Variants in TASP1 observed in about 807,000 individuals in gnomAD.
TASP1 encodes threonine aspartase 1.
Under a neutral mutation model 56.6 loss-of-function variants are expected in TASP1, and 16 were observed. The observed-to-expected ratio is 0.28, with a 90% CI of 0.19 to 0.43. TASP1 has a LOEUF of 0.43. TASP1 is among the 20% of genes least tolerant of loss of function. The pLI is 1.00. For missense variants in TASP1, 393 were observed against 511.6 expected (o/e 0.77, Z 2.24); for synonymous variants, 179 against 184.2 (o/e 0.97, Z 0.23).
At chr20:13,429,944 G>A (rs576299194) in intron 12 of TASP1, among the ~76,000 whole-genome samples, 4 of 152,160 alleles carry the variant, frequency 2.6e-5, no homozygotes, top group African/African-American at 9.6e-5. Context: ...CTCTGGGCCA[G>A]CTGCAGAGTT....
chr20:13,550,143 CACAT>C (rs1204276051), intron 8 of TASP1, among the ~76,000 whole-genome samples: 4 of 132,610 alleles, frequency 3.0e-5, no homozygotes, highest in Non-Finnish European at 4.8e-5. Context: ...GGAATATATA[CACAT>C]ACACACACAC....
intron 11 of TASP1, among the ~76,000 whole-genome samples, chr20:13,454,806 T>A (rs1210050216): frequency 6.6e-6 from 1 of 152,108 alleles, no homozygotes; most frequent in Non-Finnish European, 1.5e-5. Flanking sequence ...GGAGGCCTTG[T>A]TTATCCCTGG....
At chr20:13,406,821 C>G (rs1485083100) in intron 13 of TASP1, among the ~76,000 whole-genome samples, 1 of 151,912 alleles carries the variant, frequency 6.6e-6, no homozygotes, top group Non-Finnish European at 1.5e-5. Flanking sequence ...CGCCCGCCAC[C>G]ATGCCTGGCT....
the TASP1 span, among the ~76,000 whole-genome samples, chr20:13,175,088 T>C: frequency 4.6e-5 from 7 of 152,210 alleles, no homozygotes; most frequent in Non-Finnish European, 1.0e-4. Context: ...TTATACTCTT[T>C]CCTTTATAAA....
the TASP1 span, among the ~76,000 whole-genome samples, chr20:13,339,702 T>C: frequency 6.6e-6 from 1 of 152,106 alleles, no homozygotes; most frequent in Non-Finnish European, 1.5e-5. Context: ...ATGGCCTTTC[T>C]TCCCCCAAAT....
At chr20:13,530,972 A>ATAT (rs1330772852) in intron 9 of TASP1, among the ~76,000 whole-genome samples, 1 of 152,160 alleles carries the variant, frequency 6.6e-6, no homozygotes, top group African/African-American at 2.4e-5. Flanking sequence ...CATATAAATG[A>ATAT]TATTATTATT....
At chr20:13,508,871 C>G (rs545461254) in intron 10 of TASP1, among the ~76,000 whole-genome samples, 77 of 152,172 alleles carry the variant, frequency 5.1e-4, no homozygotes, top group Non-Finnish European at 9.4e-4. Context: ...AAAAGGGAAC[C>G]CTTGTACACT....
At chr20:13,157,916 G>T in the TASP1 span, among the ~76,000 whole-genome samples, 1 of 152,156 alleles carries the variant, frequency 6.6e-6, no homozygotes, top group Non-Finnish European at 1.5e-5. Context: ...TTAAAGAATG[G>T]TGATCTCTCC....
chr20:13,254,831 G>A, the TASP1 span, among the ~76,000 whole-genome samples: 1 of 152,250 alleles, frequency 6.6e-6, no homozygotes, highest in African/African-American at 2.4e-5. Flanking sequence ...TTCGAGAGAT[G>A]TAGGAGGAGT....
the TASP1 span, chr20:13,237,966 TCC>T: frequency 6.6e-6 from 1 of 152,156 alleles, no homozygotes; most frequent in Non-Finnish European, 1.5e-5. Context: ...TGAGATGCGG[TCC>T]ATATGAAAAG....
At chr20:13,227,163 T>G in the TASP1 span, among the ~76,000 whole-genome samples, 4 of 152,198 alleles carry the variant, frequency 2.6e-5, no homozygotes, top group African/African-American at 9.6e-5. Flanking sequence ...TTCCAACCTT[T>G]ATTTTCAAAC....
chr20:13,180,043 T>C, the TASP1 span, among the ~76,000 whole-genome samples: 1 of 152,156 alleles, frequency 6.6e-6, no homozygotes, highest in Non-Finnish European at 1.5e-5. Flanking sequence ...AGACTGTAGG[T>C]TGGCCTCCCC....
rs1004080053 is a variant in TASP1 at position 13,408,708 on chromosome 20, G to A, written c.1170+8740C>T. Among the ~76,000 whole-genome samples the A allele has an allele frequency of 5.3e-5, 8 of 152,032 alleles. 1 individual carries two copies. Among genetic ancestry groups the A allele is most frequent in the Admixed American group, 3.3e-4 (5 of 15,272 alleles). ...TAAATGGTTATTTAAAATTTTTTGT[G>A]TTTAGTTTGTTAAGTTGGTTTTCTT... On this transcript the variant is annotated intron_variant, in intron 13 of 13. Coordinates refer to ENST00000337743, the MANE Select transcript of TASP1 (RefSeq NM_017714.3).
At chr20:13,197,418 G>A in the TASP1 span, among the ~76,000 whole-genome samples, 4 of 152,232 alleles carry the variant, frequency 2.6e-5, 1 homozygote, top group Admixed American at 2.6e-4. Context: ...GACTGTGCTG[G>A]GCTAGAAGTC....
the TASP1 span, among the ~76,000 whole-genome samples, chr20:13,275,803 C>CA: frequency 2.0e-5 from 3 of 152,112 alleles, no homozygotes; most frequent in African/African-American, 7.2e-5. Context: ...AGGAAATGTA[C>CA]AAAAAATTAA....
intron 10 of TASP1, among the ~76,000 whole-genome samples, chr20:13,489,786 T>G (rs1222211802): frequency 6.6e-6 from 1 of 152,204 alleles, no homozygotes; most frequent in African/African-American, 2.4e-5. Flanking sequence ...TTAACCATTT[T>G]TAAAGTATGC....
At chr20:13,583,124 C>T (rs2047183506) in intron 5 of TASP1, among the ~76,000 whole-genome samples, 1 of 152,200 alleles carries the variant, frequency 6.6e-6, no homozygotes, top group Non-Finnish European at 1.5e-5. Flanking sequence ...ATACCCACAC[C>T]CACTCCTCAG....
intron 10 of TASP1, 47 bp downstream of exon 10, chr20:13,528,386 T>C (rs192900933): frequency 3.0e-5 from 45 of 1,524,768 alleles, no homozygotes; most frequent in Admixed American, 7.1e-5. Context: ...CATTAAATGA[T>C]TGACAAGGTT....
the TASP1 span, among the ~76,000 whole-genome samples, chr20:13,362,834 T>TATATATATATATATATATATATATATAC: frequency 5.4e-5 from 7 of 130,644 alleles, no homozygotes; most frequent in African/African-American, 2.2e-4. Flanking sequence ...TATATATATA[T>TATATATATATATATATATATATATATAC]ATATTTGTCT....
Sources: gnomAD v4.1 joint callset for allele counts (sites outside exome capture counted in the v4.1 genomes callset) on GRCh38, gnomAD v4.1.1 for gene constraint, MANE v1.5 for transcripts, NCBI Gene and HGNC (gene_info 2026-07-23, HGNC 2026-07-21) for gene names.